The following WWOX variants were observed in gnomAD, a reference collection of about 807,000 sequenced individuals.
WWOX encodes WW domain containing oxidoreductase.
WWOX carries 69 observed loss-of-function variants against 46.2 expected under a neutral mutation model. The ratio of observed to expected loss-of-function variants is 1.49; its 90% CI spans 1.23 to 1.82. The LOEUF (loss-of-function observed/expected upper bound fraction) is 1.82. Among genes scored for constraint, WWOX ranks in the 40% most tolerant of loss-of-function variants. WWOX has a pLI of 0.00. For synonymous variants in WWOX, 359 were observed against 202.6 expected (o/e 1.77, Z -6.56); for missense variants, 919 against 542.6 (o/e 1.69, Z -6.89).
intron 8 of WWOX, among the ~76,000 whole-genome samples, chr16:78,866,424 A>G (rs1305841441): frequency 2.1e-5 from 3 of 144,372 alleles, no homozygotes. Context: ...AGACTGATCA[A>G]GACATCCCGT....
chr16:78,680,230 C>T (rs573400572), intron 8 of WWOX, among the ~76,000 whole-genome samples: 4 of 151,792 alleles, frequency 2.6e-5, no homozygotes, highest in East Asian at 1.9e-4. Flanking sequence ...AGCAGCATAA[C>T]GAGACCCGTC....
chr16:79,033,461 A>T (rs2047805684), intron 8 of WWOX, among the ~76,000 whole-genome samples: 1 of 151,944 alleles, frequency 6.6e-6, no homozygotes. Context: ...TCCAGAATAA[A>T]CTATTTTTTA....
chr16:79,144,560 T>A (rs2050149975), intron 8 of WWOX, among the ~76,000 whole-genome samples: 1 of 152,214 alleles, frequency 6.6e-6, no homozygotes, highest in South Asian at 2.1e-4. Context: ...ATTTAAGCAC[T>A]AAGCTATTGA....
At chr16:78,950,431 T>C (rs879909005) in intron 8 of WWOX, among the ~76,000 whole-genome samples, 10 of 151,708 alleles carry the variant, frequency 6.6e-5, no homozygotes, top group Admixed American at 6.6e-4. Context: ...CAGCTCCTGA[T>C]GAAAAAGATG....
chr16:78,966,587 AAAAGTAACATGT>A (rs2046366776), intron 8 of WWOX, among the ~76,000 whole-genome samples: 1 of 152,204 alleles, frequency 6.6e-6, no homozygotes, highest in South Asian at 2.1e-4. Context: ...AGTAAGGCTA[AAAAGTAACATGT>A]GAATGTTTTG....
chr16:78,169,775 G>C (rs576150205), intron 5 of WWOX, among the ~76,000 whole-genome samples: 2 of 152,260 alleles, frequency 1.3e-5, no homozygotes, highest in Non-Finnish European at 2.9e-5. Context: ...GAAAAGGGAT[G>C]AGGCTGAGGC....
At chr16:79,013,826 C>A (rs1339147751) in intron 8 of WWOX, among the ~76,000 whole-genome samples, 1 of 152,114 alleles carries the variant, frequency 6.6e-6, no homozygotes, top group African/African-American at 2.4e-5. Context: ...AGGTTGGGGT[C>A]CTCTTTATTC....
In WWOX at chr16:79,176,404, T is replaced by C. The variant is rs548640311; in HGVS notation, c.1057-35204T>C. 1.1e-4 allele frequency among the ~76,000 whole-genome samples: 17 copies of C among 152,294 alleles called. No individual in the cohort carries two copies. The East Asian group carries it at 2.1e-3, about 19-fold the overall frequency. ...CACATGGCTATCTCCCACTGAAAAG[T>C]AGGATGTCAAATATCCTCTAGCCCT... On this transcript the variant is annotated intron_variant, in intron 8 of 8. Transcript: ENST00000566780.
At chr16:78,366,201 C>G (rs187741090) in intron 5 of WWOX, among the ~76,000 whole-genome samples, 1 of 152,284 alleles carries the variant, frequency 6.6e-6, no homozygotes, top group African/African-American at 2.4e-5. Flanking sequence ...CTTTCATGTT[C>G]AAGAAGACTT....
intron 5 of WWOX, among the ~76,000 whole-genome samples, chr16:78,258,296 C>T (rs1041122799): frequency 6.6e-5 from 10 of 152,148 alleles, no homozygotes; most frequent in African/African-American, 1.9e-4. Context: ...GTTTGCTCTC[C>T]GTTTGGTGGG....
intron 4 of WWOX, among the ~76,000 whole-genome samples, chr16:78,149,491 G>C (rs2034323681): frequency 6.6e-6 from 1 of 152,190 alleles, no homozygotes; most frequent in Non-Finnish European, 1.5e-5. Context: ...ATGCATCACT[G>C]TCTGGGAATG....
intron 8 of WWOX, among the ~76,000 whole-genome samples, chr16:78,907,423 T>C (rs1437430425): frequency 6.6e-6 from 1 of 152,250 alleles, no homozygotes; most frequent in East Asian, 1.9e-4. Flanking sequence ...TGTCCACTCT[T>C]TAGCAGAATT....
chr16:78,119,990 C>T (rs187310667), intron 4 of WWOX, among the ~76,000 whole-genome samples: 44 of 152,152 alleles, frequency 2.9e-4, no homozygotes, highest in Admixed American at 7.8e-4. Context: ...AGCCTAGCTT[C>T]GTTACAGTTT....
intron 5 of WWOX, among the ~76,000 whole-genome samples, chr16:78,342,068 A>C (rs147990962): frequency 8.2e-6 from 1 of 121,514 alleles, no homozygotes; most frequent in Non-Finnish European, 2.0e-5. Flanking sequence ...GTGAGCTGCA[A>C]TTGTGCCACT....
intron 8 of WWOX, among the ~76,000 whole-genome samples, chr16:78,723,993 C>G (rs369965336): frequency 2.6e-5 from 4 of 152,256 alleles, no homozygotes; most frequent in African/African-American, 9.6e-5. Context: ...CCCTCTGATT[C>G]AGGCTCAGCA....
At position 78,340,415 on chromosome 16, in the gene WWOX, G is replaced by T. The variant is rs1267903468; in HGVS notation, c.517-46445G>T. Among the ~76,000 whole-genome samples the T allele has an allele frequency of 1.7e-5, 2 of 119,278 alleles. 1 individual carries two copies. The highest frequency in any genetic ancestry group is 4.0e-5 in the Non-Finnish European group (2 of 50,032). The allele number at this position is 119,278 out of a possible 152,430, so 78.3% of individuals were successfully genotyped here. On this transcript the variant is annotated intron_variant, in intron 5 of 8. Coordinates refer to ENST00000566780, the MANE Select transcript of WWOX (RefSeq NM_016373.4). ...TAGAGATGAAGTGTTTACCCTGTTGGCCAGGCTGGTCATGAACTCCTGACC... is the reference window on the plus strand; with the variant it reads ...TAGAGATGAAGTGTTTACCCTGTTGTCCAGGCTGGTCATGAACTCCTGACC...
chr16:79,035,637 C>G (rs955887979), intron 8 of WWOX, among the ~76,000 whole-genome samples: 2 of 152,156 alleles, frequency 1.3e-5, no homozygotes, highest in Non-Finnish European at 1.5e-5. Context: ...CTCCCGGGTT[C>G]AAGTGATTCT....
At chr16:78,637,627 TAAAAG>T (rs1395841230) in intron 8 of WWOX, among the ~76,000 whole-genome samples, 2 of 152,106 alleles carry the variant, frequency 1.3e-5, no homozygotes, top group African/African-American at 2.4e-5. Flanking sequence ...CAAAGAAAGA[TAAAAG>T]AAGGAAGGGC....
At chr16:78,280,290 G>A (rs2079653084) in intron 5 of WWOX, among the ~76,000 whole-genome samples, 1 of 152,178 alleles carries the variant, frequency 6.6e-6, no homozygotes, top group African/African-American at 2.4e-5. Flanking sequence ...ATTTGGAATT[G>A]TAGTTGTAAT....
Sources: allele counts gnomAD v4.1 joint callset (sites outside exome capture counted in the v4.1 genomes callset), GRCh38; gene constraint gnomAD v4.1.1; transcripts MANE v1.5; gene names NCBI Gene and HGNC (gene_info 2026-07-23, HGNC 2026-07-21).